The following ZNF709 variants were observed in gnomAD, a reference collection of about 807,000 sequenced individuals.
The protein encoded by ZNF709 is zinc finger protein 709.
In ZNF709, 15 loss-of-function variants were observed where a neutral mutation model predicts 10.6. The ratio of observed to expected loss-of-function variants is 1.41; its 90% CI spans 0.95 to 2.18. The LOEUF is 2.18. Among genes scored for constraint, ZNF709 ranks in the 30% most tolerant of loss-of-function variants. The pLI is 0.00. For missense variants in ZNF709, 589 were observed against 774.0 expected (o/e 0.76, Z 2.84); for synonymous variants, 194 against 238.8 (o/e 0.81, Z 1.73).
At chr19:12,468,557 G>A (rs893996329) in intron 1 of ZNF709, among the ~76,000 whole-genome samples, 6 of 150,712 alleles carry the variant, frequency 4.0e-5, no homozygotes, top group African/African-American at 9.8e-5. Flanking sequence ...CAAACACTGC[G>A]GAAGGCCGCA....
In ZNF709 at chr19:12,461,832, G is replaced by T. The variant is rs1006979741; in HGVS notation, c.*2164C>A. On this transcript the variant is annotated 3_prime_UTR_variant, in exon 4 of 4. Coordinates refer to ENST00000397732, the MANE Select transcript of ZNF709 (RefSeq NM_152601.4). ...GCCTGTAATCTCAGCACTTTGGAAGGCCAAGGTGGGCAGATCATGAGGTCA... is the reference window on the plus strand; with the variant it reads ...GCCTGTAATCTCAGCACTTTGGAAGTCCAAGGTGGGCAGATCATGAGGTCA... 4 of 152,176 alleles carry T rather than the reference G, an allele frequency of 2.6e-5. No homozygotes were observed. The highest frequency in any genetic ancestry group is 9.7e-5 in the African/African-American group (4 of 41,442). The allele number at this position is 152,176 out of a possible 1,614,324, so 9.4% of individuals were successfully genotyped here.
intron 1 of ZNF709, among the ~76,000 whole-genome samples, chr19:12,476,725 G>A (rs1970680732): frequency 6.6e-6 from 1 of 152,198 alleles, no homozygotes; most frequent in Non-Finnish European, 1.5e-5. Context: ...GGTAGTCAGA[G>A]GGACAATAGC....
At chr19:12,480,551 C>G (rs577999043) in intron 1 of ZNF709, among the ~76,000 whole-genome samples, 1 of 151,876 alleles carries the variant, frequency 6.6e-6, no homozygotes, top group Non-Finnish European at 1.5e-5. Flanking sequence ...GGCGTGGTGG[C>G]GAGCGCCTGT....
intron 1 of ZNF709, among the ~76,000 whole-genome samples, chr19:12,480,189 A>G (rs761388503): frequency 1.3e-5 from 2 of 152,102 alleles, no homozygotes; most frequent in Non-Finnish European, 1.5e-5. Context: ...TAATACTTTA[A>G]GCACTGACAA....
intron 1 of ZNF709, among the ~76,000 whole-genome samples, chr19:12,467,721 G>A (rs897060665): frequency 5.3e-5 from 8 of 149,798 alleles, no homozygotes; most frequent in Admixed American, 3.3e-4. Flanking sequence ...GCGGCCCATC[G>A]TCTGAGAGGT....
chr19:12,474,528 T>G (rs1461901655), intron 1 of ZNF709, among the ~76,000 whole-genome samples: 1 of 152,196 alleles, frequency 6.6e-6, no homozygotes. Context: ...TTCAATTCCT[T>G]TAGATAAATA....
At chr19:12,468,358 C>A (rs1432137147) in intron 1 of ZNF709, among the ~76,000 whole-genome samples, 1 of 152,034 alleles carries the variant, frequency 6.6e-6, no homozygotes, top group African/African-American at 2.4e-5. Flanking sequence ...AAGAAAAATT[C>A]TTCTGCCTTG....
rs1970765348 is a variant in ZNF709 at position 12,484,784 on chromosome 19, G to T, written c.-127C>A. The T allele has an allele frequency of 3.0e-6, 4 of 1,318,772 alleles. No individual in the cohort carries two copies. The highest frequency in any genetic ancestry group is 3.2e-6 in the Non-Finnish European group (3 of 946,132). The allele number at this position is 1,318,772 out of a possible 1,614,324, so 81.7% of individuals were successfully genotyped here. A position where few individuals can be genotyped will look rare whatever the true frequency, so the allele number is the denominator to read the frequency against. ...GGGTGAGGAGACCCCAGAGCGGAGC[G>T]CAGCGGCTGGTAGCCACGCCCTCGC... On this transcript the variant is annotated 5_prime_UTR_variant, in exon 1 of 4. Transcript: ENST00000397732.
Position 12,475,190 on chromosome 19 carries a change from G to A in ZNF709, c.4-8340C>T, listed in dbSNP as rs148497086. On this transcript the variant is annotated intron_variant, in intron 1 of 3. Transcript: ENST00000397732. ...GAAGAATCGCTTGAACCCAGGATGC[G>A]GAGGTTGCAGTGAGCCAAGATCGCA... is the stretch of plus-strand genomic sequence containing the variant. 8.5e-3 allele frequency among the ~76,000 whole-genome samples: 1,245 copies of A among 145,822 alleles called. 14 individuals are homozygous for A. Among genetic ancestry groups the A allele is most frequent in the African/African-American group, 0.029 (1,174 of 40,256 alleles).
In ZNF709 at chr19:12,481,521, T is replaced by C. The variant is rs140180747; in HGVS notation, c.3+3134A>G. Among the ~76,000 whole-genome samples, 373 of 152,304 alleles carry C rather than the reference T, an allele frequency of 2.4e-3. 2 individuals carry two copies. Among genetic ancestry groups the C allele is most frequent in the African/African-American group, 8.5e-3 (355 of 41,570 alleles). ...TCCCAAAGCGCTGAAATTACAGGCG[T>C]GAGCCACCACACCCGGCCTGGTTTC... On this transcript the variant is annotated intron_variant, in intron 1 of 3. Coordinates refer to ENST00000397732, the MANE Select transcript of ZNF709 (RefSeq NM_152601.4).
At chr19:12,484,586 C>T in intron 1 of ZNF709, 69 bp downstream of exon 1, 1 of 1,591,584 alleles carries the variant, frequency 6.3e-7, no homozygotes, top group South Asian at 1.2e-5. Flanking sequence ...GGTCCCACCA[C>T]AGCCAGATCC....
chr19:12,481,286 AGTGCACAATCTCG>A, intron 1 of ZNF709: 1 of 618,098 alleles, frequency 1.6e-6, no homozygotes, highest in Non-Finnish European at 2.0e-6. Flanking sequence ...GCTGGATTGC[AGTGCACAATCTCG>A]GTTCACTGCA....
At chr19:12,478,492 G>C (rs1446630374) in intron 1 of ZNF709, among the ~76,000 whole-genome samples, 1 of 152,236 alleles carries the variant, frequency 6.6e-6, no homozygotes, top group Non-Finnish European at 1.5e-5. Flanking sequence ...TCAGGCAACA[G>C]AGCAGGTAGC....
Position 12,464,934 on chromosome 19 carries a change from G to A in ZNF709, c.988C>T (p.His330Tyr). The change falls in exon 4 of 4, where the codon CAT (histidine) becomes TAT (tyrosine). Residue 330 changes from histidine to tyrosine, a missense_variant. By Grantham distance (83) the His-to-Tyr change is moderately conservative (BLOSUM62 2). Around this residue, in one of 2 missense-constraint regions of ZNF709, gnomAD observed 418 missense variants for 496.3 expected, o/e 0.84. Transcript: ENST00000397732. ...CAATCATAGGGTTTCTCTCCTGTAT[G>A]AATTCTTTCATGTTTTCTAAAGGAA... ...PSSFRKHERI[H>Y]TGEKPYDCKE... 6.2e-7 allele frequency: 1 copy of A among 1,605,422 alleles called. No individual in the cohort carries two copies. The highest frequency in any genetic ancestry group is 1.1e-5 in the South Asian group (1 of 89,470).
intron 1 of ZNF709, among the ~76,000 whole-genome samples, chr19:12,479,804 A>G (rs1970707697): frequency 6.6e-6 from 1 of 152,112 alleles, no homozygotes; most frequent in Non-Finnish European, 1.5e-5. Context: ...TGGGAGTAGG[A>G]GACTGCAGTG....
chr19:12,481,275 G>T, intron 1 of ZNF709: 2 of 735,466 alleles, frequency 2.7e-6, no homozygotes, highest in Non-Finnish European at 3.3e-6. Context: ...CTGTTGCCCA[G>T]GCTGGATTGC....
At chr19:12,467,096 G>A (rs1005910729) in intron 1 of ZNF709, among the ~76,000 whole-genome samples, 3 of 152,108 alleles carry the variant, frequency 2.0e-5, no homozygotes, top group Non-Finnish European at 2.9e-5. Context: ...AGGATACACA[G>A]CATCTTAGAG....
intron 1 of ZNF709, among the ~76,000 whole-genome samples, chr19:12,469,727 C>A (rs1410823538): frequency 2.6e-5 from 4 of 152,056 alleles, no homozygotes; most frequent in African/African-American, 9.7e-5. Flanking sequence ...CGAGATCGCA[C>A]CACTGCACTC....
intron 1 of ZNF709, among the ~76,000 whole-genome samples, chr19:12,473,656 G>A (rs1054615196): frequency 2.0e-5 from 3 of 152,144 alleles, no homozygotes; most frequent in Non-Finnish European, 2.9e-5. Context: ...TAAGGACATA[G>A]ACATATTCAT....
Sources: gnomAD v4.1 joint callset for allele counts (sites outside exome capture counted in the v4.1 genomes callset) on GRCh38, gnomAD v4.1.1 for gene constraint, gnomAD v4.1.1 regional missense constraint, MANE v1.5 for transcripts, NCBI Gene and HGNC (gene_info 2026-07-23, HGNC 2026-07-21) for gene names.